AGBL4: variants seen among roughly 807,000 people sequenced by gnomAD.
AGBL4 encodes the protein cytosolic carboxypeptidase 6.
AGBL4 carries 58 observed loss-of-function variants against 66.4 expected under a neutral mutation model. The observed-to-expected ratio is 0.87, with a 90% confidence interval of 0.71 to 1.09. The LOEUF (loss-of-function observed/expected upper bound fraction) is 1.09, where lower values mean the gene tolerates loss of function less well. Among genes scored for constraint, AGBL4 ranks in the 50% least tolerant of loss-of-function variants. AGBL4 has a pLI of 0.00. For synonymous variants in AGBL4, 234 were observed against 222.9 expected (o/e 1.05, Z -0.44); for missense variants, 579 against 631.0 (o/e 0.92, Z 0.88).
At chr1:49,031,962 A>ATAT (rs10680485) in intron 5 of AGBL4, among the ~76,000 whole-genome samples, 93,475 of 151,646 alleles carry the variant, frequency 0.62, 29,209 homozygotes, top group Middle Eastern at 0.67. Flanking sequence ...GAGAAAGGGT[A>ATAT]CAAGAAAGAA....
At chr1:48,861,552 C>T (rs567646540) in intron 6 of AGBL4, among the ~76,000 whole-genome samples, 121 of 152,292 alleles carry the variant, frequency 7.9e-4, no homozygotes, top group Admixed American at 1.2e-3. Context: ...TGATGGCAGA[C>T]TTCTCATCAG....
intron 6 of AGBL4, among the ~76,000 whole-genome samples, chr1:48,752,889 A>C (rs1000178764): frequency 6.6e-6 from 1 of 152,116 alleles, no homozygotes; most frequent in Non-Finnish European, 1.5e-5. Flanking sequence ...AGCTGGGACT[A>C]CAGGCACGCG....
At chr1:49,288,337 A>C (rs1644464210) in intron 3 of AGBL4, among the ~76,000 whole-genome samples, 1 of 151,664 alleles carries the variant, frequency 6.6e-6, no homozygotes, top group Admixed American at 6.6e-5. Flanking sequence ...CACAATGTGC[A>C]CATGTACCCT....
chr1:49,253,681 A>G (rs2148342781), intron 3 of AGBL4, among the ~76,000 whole-genome samples: 1 of 152,052 alleles, frequency 6.6e-6, no homozygotes, highest in South Asian at 2.1e-4. Context: ...TGAGGCTGGC[A>G]TCATCCCTAT....
At chr1:49,599,791 C>T (rs554433106) in intron 3 of AGBL4, among the ~76,000 whole-genome samples, 35 of 152,176 alleles carry the variant, frequency 2.3e-4, no homozygotes, top group African/African-American at 8.2e-4. Context: ...TAGCTGTGTC[C>T]CAGAAATTCT....
chr1:48,745,764 C>T (rs1346343963), intron 6 of AGBL4, among the ~76,000 whole-genome samples: 1 of 152,110 alleles, frequency 6.6e-6, no homozygotes, highest in Non-Finnish European at 1.5e-5. Flanking sequence ...GACAGAGCTC[C>T]AAATACTGGG....
At chr1:49,964,614 A>C (rs577470987) in intron 1 of AGBL4, among the ~76,000 whole-genome samples, 2 of 152,220 alleles carry the variant, frequency 1.3e-5, no homozygotes, top group Admixed American at 6.5e-5. Context: ...TCATTTATTA[A>C]ACAGTTATTA....
rs751149612 is a variant in AGBL4 at position 48,634,532 on chromosome 1, A to C, written c.912T>G (p.His304Gln). The C allele has an allele frequency of 6.2e-7, 1 of 1,606,566 alleles. No homozygotes were observed. The highest frequency in any genetic ancestry group is 1.1e-5 in the South Asian group (1 of 89,016). Residue 304 changes from histidine to glutamine, a missense_variant, in exon 9 of 14, where the codon CAT becomes CAG. Physicochemically the swap from His to Gln is conservative, Grantham distance 24. Transcript: ENST00000371839. ...TCTGGACGATGAGTTGTTTCACTCCATGCAGGGTAGGATGGACCCATGGAG... is the reference window on the plus strand; with the variant it reads ...TCTGGACGATGAGTTGTTTCACTCCCTGCAGGGTAGGATGGACCCATGGAG... The part of the protein sequence containing the change: ...DPSPWVHPTL[H>Q]GVKQLIVQMY...
intron 6 of AGBL4, among the ~76,000 whole-genome samples, chr1:48,755,146 G>T (rs376710833): frequency 2.6e-5 from 4 of 152,272 alleles, no homozygotes; most frequent in African/African-American, 9.6e-5. Flanking sequence ...CCCCACCCTT[G>T]GGTGTGGCTC....
chr1:49,894,336 A>C (rs1412896100), intron 1 of AGBL4, among the ~76,000 whole-genome samples: 1 of 152,132 alleles, frequency 6.6e-6, no homozygotes, highest in Non-Finnish European at 1.5e-5. Context: ...CACAAGCATC[A>C]AGGACATCAA....
At chr1:49,382,083 C>T (rs1644628320) in intron 3 of AGBL4, among the ~76,000 whole-genome samples, 1 of 151,990 alleles carries the variant, frequency 6.6e-6, no homozygotes, top group Admixed American at 6.6e-5. Context: ...CAGGCTGATC[C>T]ACATGAACAT....
At chr1:49,469,184 CAT>C (rs1374048514) in intron 3 of AGBL4, among the ~76,000 whole-genome samples, 5 of 151,940 alleles carry the variant, frequency 3.3e-5, no homozygotes, top group Middle Eastern at 3.4e-3. Context: ...TGCAAAAATA[CAT>C]ATGTTATTAT....
intron 5 of AGBL4, among the ~76,000 whole-genome samples, chr1:48,937,345 C>T (rs574854612): frequency 6.6e-5 from 10 of 152,290 alleles, no homozygotes; most frequent in Admixed American, 2.6e-4. Context: ...CAACACCACT[C>T]CACTGGATGG....
intron 2 of AGBL4, among the ~76,000 whole-genome samples, chr1:49,712,344 A>C (rs140117957): frequency 2.3e-3 from 347 of 152,024 alleles, no homozygotes; most frequent in African/African-American, 8.0e-3. Flanking sequence ...GTTAGACACA[A>C]AAAGAAAAAT....
chr1:48,768,742 A>C (rs1476668897), intron 6 of AGBL4, among the ~76,000 whole-genome samples: 1 of 152,242 alleles, frequency 6.6e-6, no homozygotes, highest in Non-Finnish European at 1.5e-5. Flanking sequence ...CTGAAAGGCT[A>C]CACATAAAAT....
chr1:48,639,387 A>G (rs758259567), intron 8 of AGBL4, among the ~76,000 whole-genome samples: 8 of 152,188 alleles, frequency 5.3e-5, no homozygotes, highest in Non-Finnish European at 1.2e-4. Context: ...CCCACCTCCA[A>G]TGTCTGTGTC....
chr1:49,444,663 A>C (rs1478130096), intron 3 of AGBL4, among the ~76,000 whole-genome samples: 1 of 151,848 alleles, frequency 6.6e-6, no homozygotes, highest in Non-Finnish European at 1.5e-5. Context: ...GTCTATATGC[A>C]TTTTACTGGT....
chr1:48,782,220 G>A (rs548000867), intron 6 of AGBL4, among the ~76,000 whole-genome samples: 21 of 152,306 alleles, frequency 1.4e-4, no homozygotes, highest in Non-Finnish European at 1.5e-5. Flanking sequence ...TTTTCTGTGG[G>A]CCAAATGTGC....
At chr1:48,867,633 C>T (rs372452297) in intron 5 of AGBL4, among the ~76,000 whole-genome samples, 3 of 152,190 alleles carry the variant, frequency 2.0e-5, no homozygotes, top group Admixed American at 6.6e-5. Flanking sequence ...GTTGAGTGTC[C>T]GATATATTGG....
Sources: allele counts gnomAD v4.1 joint callset (sites outside exome capture counted in the v4.1 genomes callset), GRCh38; gene constraint gnomAD v4.1.1; transcripts MANE v1.5; gene names NCBI Gene and HGNC (gene_info 2026-07-23, HGNC 2026-07-21).